SHANK2: variants seen among roughly 807,000 people sequenced by gnomAD.
SHANK2 encodes SH3 and multiple ankyrin repeat domains protein 2.
Under a neutral mutation model 133.7 loss-of-function variants are expected in SHANK2, and 43 were observed. The ratio of observed to expected loss-of-function variants is 0.32; its 90% CI spans 0.25 to 0.41. The LOEUF (loss-of-function observed/expected upper bound fraction) is 0.41, where lower values mean the gene tolerates loss of function less well. Among genes scored for constraint, SHANK2 ranks in the 10% least tolerant of loss-of-function variants. The pLI is 1.00. For synonymous variants in SHANK2, 1,017 were observed against 952.8 expected (o/e 1.07, Z -1.24); for missense variants, 1,994 against 2,235.8 (o/e 0.89, Z 2.18).
chr11:70,704,774 G>A (rs1945621507), intron 14 of SHANK2, among the ~76,000 whole-genome samples: 1 of 152,212 alleles, frequency 6.6e-6, no homozygotes, highest in Non-Finnish European at 1.5e-5. Flanking sequence ...GATGCTAGGA[G>A]TCCCTGGATT....
At chr11:70,534,269 A>G (rs1487056840) in intron 17 of SHANK2, among the ~76,000 whole-genome samples, 1 of 152,168 alleles carries the variant, frequency 6.6e-6, no homozygotes, top group Non-Finnish European at 1.5e-5. Context: ...GCGGCAGGAG[A>G]GAGAAATGCT....
intron 14 of SHANK2, among the ~76,000 whole-genome samples, chr11:70,719,650 G>A (rs979473919): frequency 1.3e-5 from 2 of 151,950 alleles, no homozygotes; most frequent in African/African-American, 4.8e-5. Flanking sequence ...GGCACGCCAG[G>A]GGCCCAGGGG....
intron 7 of SHANK2, among the ~76,000 whole-genome samples, chr11:71,093,056 G>GGC (rs1555094486): frequency 1.4e-5 from 2 of 145,672 alleles, no homozygotes; most frequent in South Asian, 4.7e-4. Flanking sequence ...AATAAAGGGG[G>GGC]GGGGGGGCAG....
At chr11:71,153,224 C>G (rs1555108439) in intron 2 of SHANK2, among the ~76,000 whole-genome samples, 1 of 147,438 alleles carries the variant, frequency 6.8e-6, no homozygotes, top group East Asian at 2.0e-4. Context: ...AGTGCCAGAT[C>G]AGAGGAGGGG....
intron 9 of SHANK2, among the ~76,000 whole-genome samples, chr11:71,056,856 AAAGAAAAGAAAAG>A (rs1197073162): frequency 0.069 from 10,476 of 152,124 alleles, 1,012 homozygotes; most frequent in African/African-American, 0.21. Flanking sequence ...AAGAAAGAAG[AAAGAAAAGAAAAG>A]AAGAAAAGAA....
intron 2 of SHANK2, among the ~76,000 whole-genome samples, chr11:71,177,693 C>A (rs1953474240): frequency 6.6e-6 from 1 of 151,854 alleles, no homozygotes; most frequent in African/African-American, 2.4e-5. Flanking sequence ...TAAATGTGAC[C>A]CAACTCTAAG....
At chr11:70,549,515 G>A (rs1325804407) in intron 17 of SHANK2, among the ~76,000 whole-genome samples, 2 of 152,216 alleles carry the variant, frequency 1.3e-5, no homozygotes, top group African/African-American at 4.8e-5. Flanking sequence ...GCGAAGCGAG[G>A]TTGCTTCCGC....
At chr11:70,853,279 C>T (rs1336370412) in intron 11 of SHANK2, among the ~76,000 whole-genome samples, 8 of 152,238 alleles carry the variant, frequency 5.3e-5, no homozygotes, top group African/African-American at 1.7e-4. Flanking sequence ...CTGGACCAGG[C>T]GTCCCGGCGC....
rs572700672 is a variant in SHANK2 at position 70,750,660 on chromosome 11, G to A, written c.1777+47783C>T. On this transcript the variant is annotated intron_variant, in intron 14 of 25. Transcript: ENST00000601538. ...ACAGGGATCGTGTGAAGTGGTGTGT[G>A]AACTTCTAGGCTCAGCTCCAAGTTG... Among the ~76,000 whole-genome samples, 8 of 152,284 alleles carry A rather than the reference G, an allele frequency of 5.3e-5. No individual in the cohort carries two copies. The South Asian group carries it at 1.2e-3, about 24-fold the overall frequency.
Position 70,798,590 on chromosome 11 carries a change from G to C in SHANK2, c.1664-34C>G, listed in dbSNP as rs185909380. On this transcript the variant is annotated intron_variant, in intron 13 of 25. Transcript: ENST00000601538. Reference sequence around the variant, plus strand: ...GACAAAAAGGGAGAGGTGTTAGCAGGGGGGACGTGGAGGGCCTGAGGTTGA... The same window carrying C: ...GACAAAAAGGGAGAGGTGTTAGCAGCGGGGACGTGGAGGGCCTGAGGTTGA... The C allele has an allele frequency of 5.4e-4, 389 of 717,772 alleles. 5 individuals carry two copies. The highest frequency in any genetic ancestry group is 4.2e-3 in the African/African-American group (241 of 57,364). The allele number at this position is 717,772 out of a possible 1,614,324, so 44.5% of individuals were successfully genotyped here. A position where few individuals can be genotyped will look rare whatever the true frequency, so the allele number is the denominator to read the frequency against.
chr11:70,582,725 G>A (rs541948298), intron 17 of SHANK2, among the ~76,000 whole-genome samples: 1 of 152,330 alleles, frequency 6.6e-6, no homozygotes, highest in African/African-American at 2.4e-5. Flanking sequence ...CGAAAACACA[G>A]CGTGTCACAG....
At chr11:71,100,075 A>G (rs964605489) in intron 6 of SHANK2, among the ~76,000 whole-genome samples, 1 of 151,362 alleles carries the variant, frequency 6.6e-6, no homozygotes, top group East Asian at 1.9e-4. Flanking sequence ...ACACCTCAAC[A>G]CAATCGTCAG....
At chr11:71,067,418 C>A (rs1384161602) in intron 9 of SHANK2, among the ~76,000 whole-genome samples, 3 of 152,210 alleles carry the variant, frequency 2.0e-5, no homozygotes, top group Non-Finnish European at 4.4e-5. Context: ...GAACCCCAGG[C>A]TGCTCCCCTC....
At chr11:71,073,127 G>GTTTTTT (rs1277169505) in intron 9 of SHANK2, among the ~76,000 whole-genome samples, 4 of 93,782 alleles carry the variant, frequency 4.3e-5, no homozygotes, top group Non-Finnish European at 7.5e-5. Flanking sequence ...CTTGCTTTTT[G>GTTTTTT]TTTTTTTTCT....
chr11:70,522,520 G>A (rs955120952), intron 17 of SHANK2, among the ~76,000 whole-genome samples: 8 of 152,110 alleles, frequency 5.3e-5, no homozygotes, highest in South Asian at 2.1e-4. Flanking sequence ...TTCAAACCCC[G>A]ATCTTATTTC....
In SHANK2 at chr11:70,635,351, C is replaced by T. The variant is rs546367371; in HGVS notation, c.2061+24477G>A. The T allele has an allele frequency of 5.3e-5, 8 of 152,280 alleles. No homozygotes were observed. In the South Asian group the frequency reaches 1.7e-3, roughly 32 times the overall value. The allele number at this position is 152,280 out of a possible 1,614,324, so 9.4% of individuals were successfully genotyped here. On this transcript the variant is annotated intron_variant, in intron 17 of 25. Transcript: ENST00000601538. ...ACAGACACACAAAAGGTGGTGTTTC[C>T]GTAGAGTTGGGATAGTTATCATTCA...
intron 2 of SHANK2, among the ~76,000 whole-genome samples, chr11:71,166,762 C>T (rs1195066644): frequency 2.0e-5 from 3 of 151,148 alleles, no homozygotes; most frequent in Non-Finnish European, 4.4e-5. Flanking sequence ...GGATTACAGG[C>T]GTGAGCCACC....
At chr11:70,750,899 C>T (rs957432784) in intron 14 of SHANK2, among the ~76,000 whole-genome samples, 2 of 152,124 alleles carry the variant, frequency 1.3e-5, no homozygotes, top group Non-Finnish European at 2.9e-5. Context: ...CAACCAAGTG[C>T]TCATGTCAAC....
intron 14 of SHANK2, among the ~76,000 whole-genome samples, chr11:70,733,130 G>A (rs894007624): frequency 1.3e-5 from 2 of 152,134 alleles, no homozygotes; most frequent in African/African-American, 2.4e-5. Flanking sequence ...ACATGCTACC[G>A]GAGCCACTGA....
Sources: allele counts gnomAD v4.1 joint callset (sites outside exome capture counted in the v4.1 genomes callset), GRCh38; gene constraint gnomAD v4.1.1; transcripts MANE v1.5; gene names NCBI Gene and HGNC (gene_info 2026-07-23, HGNC 2026-07-21).